ERBB4: variants seen among roughly 807,000 people sequenced by gnomAD.
ERBB4 encodes the protein receptor tyrosine-protein kinase erbB-4.
A neutral mutation model predicts 158.0 loss-of-function variants in ERBB4; 42 were observed. That is an observed-to-expected ratio of 0.27 (90% confidence interval 0.21 to 0.34). ERBB4 has a LOEUF of 0.34. Among genes scored for constraint, ERBB4 ranks in the 10% least tolerant of loss-of-function variants. The pLI is 1.00. For missense variants in ERBB4, 1,333 were observed against 1,624.1 expected (o/e 0.82, Z 3.08); for synonymous variants, 583 against 558.7 (o/e 1.04, Z -0.61).
intron 1 of ERBB4, among the ~76,000 whole-genome samples, chr2:212,323,555 G>C (rs1483030240): frequency 6.7e-6 from 1 of 150,242 alleles, no homozygotes; most frequent in Non-Finnish European, 1.5e-5. Flanking sequence ...TGGCCTTCAG[G>C]AAGTGACTTC....
At chr2:211,910,963 A>G (rs2079526895) in intron 3 of ERBB4, among the ~76,000 whole-genome samples, 1 of 152,176 alleles carries the variant, frequency 6.6e-6, no homozygotes, top group Admixed American at 6.5e-5. Context: ...AACAGTGCTA[A>G]CCATTTCTTG....
intron 1 of ERBB4, among the ~76,000 whole-genome samples, chr2:212,341,243 T>C (rs2088696724): frequency 6.6e-6 from 1 of 151,854 alleles, no homozygotes; most frequent in Admixed American, 6.6e-5. Flanking sequence ...TTATTATATA[T>C]TTCTTTTTTG....
chr2:212,334,343 T>C (rs1423922336), intron 1 of ERBB4, among the ~76,000 whole-genome samples: 1 of 152,044 alleles, frequency 6.6e-6, no homozygotes, highest in Non-Finnish European at 1.5e-5. Flanking sequence ...GCACAAGACA[T>C]ATTTGAAATT....
intron 2 of ERBB4, among the ~76,000 whole-genome samples, chr2:212,016,703 A>T (rs867997154): frequency 2.0e-5 from 3 of 152,116 alleles, no homozygotes; most frequent in Non-Finnish European, 4.4e-5. Flanking sequence ...TTTTCAGTTA[A>T]TAAGCTTTTT....
intron 1 of ERBB4, among the ~76,000 whole-genome samples, chr2:212,152,905 A>G (rs1044175430): frequency 3.7e-4 from 56 of 152,130 alleles, no homozygotes; most frequent in African/African-American, 1.3e-3. Context: ...GTGTAGTTCT[A>G]AGCCTAGGCA....
At chr2:211,587,105 C>A (rs1021587388) in intron 19 of ERBB4, among the ~76,000 whole-genome samples, 23 of 151,966 alleles carry the variant, frequency 1.5e-4, no homozygotes, top group African/African-American at 4.8e-4. Flanking sequence ...GATAAGACAC[C>A]CTGCAGGGAG....
chr2:212,004,341 C>A (rs977468793), intron 2 of ERBB4, among the ~76,000 whole-genome samples: 7 of 152,130 alleles, frequency 4.6e-5, no homozygotes, highest in African/African-American at 1.4e-4. Context: ...AATAAGATAC[C>A]CACAAAATGC....
intron 20 of ERBB4, among the ~76,000 whole-genome samples, chr2:211,547,469 G>A (rs1055073246): frequency 7.9e-5 from 12 of 151,840 alleles, no homozygotes; most frequent in East Asian, 1.9e-4. Context: ...AAATAAAATC[G>A]CATGCACACA....
At chr2:212,207,396 G>T (rs954623937) in intron 1 of ERBB4, among the ~76,000 whole-genome samples, 1 of 152,144 alleles carries the variant, frequency 6.6e-6, no homozygotes, top group African/African-American at 2.4e-5. Flanking sequence ...TTATGCATTT[G>T]CAAGCAATAG....
At chr2:212,082,389 G>A (rs1294712239) in intron 2 of ERBB4, among the ~76,000 whole-genome samples, 1 of 151,986 alleles carries the variant, frequency 6.6e-6, no homozygotes, top group Non-Finnish European at 1.5e-5. Flanking sequence ...TTCAAATGAT[G>A]TTAAAATTAA....
chr2:211,925,376 C>CTT (rs71054150), intron 3 of ERBB4, among the ~76,000 whole-genome samples: 2,013 of 81,556 alleles, frequency 0.025, 185 homozygotes, highest in African/African-American at 0.07. Context: ...AACAAGACTG[C>CTT]TTTTTTTTTT....
chr2:211,545,597 C>T (rs1559281126), intron 20 of ERBB4, among the ~76,000 whole-genome samples: 1 of 152,000 alleles, frequency 6.6e-6, no homozygotes, highest in African/African-American at 2.4e-5. Context: ...GGCATTTAAT[C>T]TACAAGGGAC....
intron 18 of ERBB4, among the ~76,000 whole-genome samples, chr2:211,623,020 T>G (rs1446591701): frequency 4.1e-5 from 3 of 73,878 alleles, no homozygotes; most frequent in African/African-American, 2.6e-4. Flanking sequence ...TATATATATA[T>G]ATATATATAT....
chr2:211,785,292 G>C (rs1237919522), intron 4 of ERBB4, among the ~76,000 whole-genome samples: 1 of 151,876 alleles, frequency 6.6e-6, no homozygotes, highest in Non-Finnish European at 1.5e-5. Context: ...TAGTAGAGGC[G>C]GGGTTTCACC....
chr2:211,746,232 A>G (rs2074967995), intron 5 of ERBB4, among the ~76,000 whole-genome samples: 1 of 152,150 alleles, frequency 6.6e-6, no homozygotes, highest in Non-Finnish European at 1.5e-5. Context: ...TCTGGGCAAC[A>G]AAGAGACAAC....
intron 1 of ERBB4, among the ~76,000 whole-genome samples, chr2:212,188,952 G>A (rs2082109986): frequency 6.6e-6 from 1 of 151,654 alleles, no homozygotes; most frequent in Non-Finnish European, 1.5e-5. Flanking sequence ...TATATAAACA[G>A]GTTATTTTTC....
intron 4 of ERBB4, among the ~76,000 whole-genome samples, chr2:211,760,870 A>G (rs2075392432): frequency 6.6e-6 from 1 of 152,190 alleles, no homozygotes; most frequent in Admixed American, 6.5e-5. Context: ...AATTTTCACA[A>G]CAACATGATA....
intron 5 of ERBB4, among the ~76,000 whole-genome samples, chr2:211,744,191 G>A (rs2074888471): frequency 6.6e-6 from 1 of 152,086 alleles, no homozygotes; most frequent in Non-Finnish European, 1.5e-5. Context: ...ATAATTAAAT[G>A]CTATGGAGGA....
chr2:211,994,248 A>G (rs1034390049), intron 2 of ERBB4, among the ~76,000 whole-genome samples: 5 of 151,790 alleles, frequency 3.3e-5, no homozygotes, highest in Non-Finnish European at 7.4e-5. Flanking sequence ...CTCCTACCTC[A>G]TTCTCCTGAG....
Sources: allele counts gnomAD v4.1 joint callset (sites outside exome capture counted in the v4.1 genomes callset), GRCh38; gene constraint gnomAD v4.1.1; transcripts MANE v1.5; gene names NCBI Gene and HGNC (gene_info 2026-07-23, HGNC 2026-07-21).